Variants in SYT14 observed in about 807,000 individuals in gnomAD.
SYT14 encodes the protein synaptotagmin-14.
In SYT14, 32 loss-of-function variants were observed where a neutral mutation model predicts 74.2. That is an observed-to-expected ratio of 0.43 (90% CI 0.33 to 0.58). The LOEUF is 0.58. SYT14 is among the 20% of genes least tolerant of loss of function. The pLI, the probability that SYT14 is intolerant of heterozygous loss-of-function variation, is 0.05. For synonymous variants in SYT14, 298 were observed against 337.7 expected, an observed-to-expected ratio of 0.88 and a Z score of 1.29; for missense variants, 791 against 981.8, an observed-to-expected ratio of 0.81 and a Z score of 2.60.
At chr1:210,081,191 A>G (rs1156325885) in intron 5 of SYT14, among the ~76,000 whole-genome samples, 1 of 152,216 alleles carries the variant, frequency 6.6e-6, no homozygotes, top group East Asian at 1.9e-4. Context: ...ATGCTAAAAA[A>G]CATTTAGGAT....
intron 5 of SYT14, among the ~76,000 whole-genome samples, chr1:210,026,422 C>T (rs972520587): frequency 6.6e-6 from 1 of 152,008 alleles, no homozygotes; most frequent in African/African-American, 2.4e-5. Flanking sequence ...TGTAAAATTA[C>T]TAGAATGTCT....
At chr1:210,140,223 T>A (rs1276123258) in intron 7 of SYT14, among the ~76,000 whole-genome samples, 3 of 152,216 alleles carry the variant, frequency 2.0e-5, no homozygotes, top group Non-Finnish European at 4.4e-5. Context: ...ATGTTGAGCA[T>A]CTTTTCATGT....
chr1:210,108,975 G>T (rs1216374292), intron 7 of SYT14, among the ~76,000 whole-genome samples: 1 of 152,030 alleles, frequency 6.6e-6, no homozygotes, highest in Non-Finnish European at 1.5e-5. Flanking sequence ...TAGAGTAAAA[G>T]GTACAATTAC....
chr1:210,130,829 T>C (rs2082658464), intron 7 of SYT14, among the ~76,000 whole-genome samples: 1 of 152,234 alleles, frequency 6.6e-6, no homozygotes. Flanking sequence ...CTCAGGTAGC[T>C]AGAGAATTCA....
At chr1:209,955,495 T>C (rs1016014962) in intron 2 of SYT14, among the ~76,000 whole-genome samples, 3 of 152,210 alleles carry the variant, frequency 2.0e-5, no homozygotes, top group African/African-American at 4.8e-5. Context: ...TATCCTCTTT[T>C]TTTTCATCCT....
intron 5 of SYT14, among the ~76,000 whole-genome samples, chr1:210,077,928 T>C (rs1254898682): frequency 6.6e-6 from 1 of 152,186 alleles, no homozygotes; most frequent in Admixed American, 6.6e-5. Flanking sequence ...GGTTTTATAC[T>C]AGAACTGAAG....
At chr1:210,038,713 G>C (rs2080722353) in intron 5 of SYT14, among the ~76,000 whole-genome samples, 1 of 152,068 alleles carries the variant, frequency 6.6e-6, no homozygotes, top group African/African-American at 2.4e-5. Flanking sequence ...ATGGTTGACA[G>C]TTTTGTTTTT....
chr1:210,152,383 T>G (rs1410336689), intron 7 of SYT14, among the ~76,000 whole-genome samples: 3 of 152,248 alleles, frequency 2.0e-5, no homozygotes, highest in Non-Finnish European at 2.9e-5. Context: ...TAAAAAATTT[T>G]AACTACATTG....
At chr1:209,944,685 A>G (rs1387656698) in intron 1 of SYT14, among the ~76,000 whole-genome samples, 2 of 152,120 alleles carry the variant, frequency 1.3e-5, no homozygotes, top group Non-Finnish European at 2.9e-5. Flanking sequence ...GCAACAGCAA[A>G]AAGTAAAGGA....
rs1458518631 is a variant in SYT14, at chr1:210,100,721, T to TTTG, written c.2034+273_2034+275dup. Among the ~76,000 whole-genome samples, 10 of 152,294 alleles carry TTTG rather than the reference T, an allele frequency of 6.6e-5. No homozygotes were observed. In the East Asian group the frequency reaches 7.7e-4, roughly 12 times the overall value. On this transcript the variant is annotated intron_variant, in intron 7 of 9. Coordinates refer to ENST00000637265, the Ensembl canonical transcript of SYT14. The stretch of plus-strand genomic sequence containing the variant: ...TTTTGGCCCAGGGTTTTACATGTTT[T>TTTG]TTGTTGTTGTTGTTGAACATTTATT...
At chr1:210,159,516 A>G in intron 9 of SYT14, 39 bp downstream of exon 8, 1 of 1,538,832 alleles carries the variant, frequency 6.5e-7, no homozygotes. Context: ...TTGTCTTTTC[A>G]TGCAAAACCA....
At chr1:210,074,461 A>C (rs1274876639) in intron 5 of SYT14, among the ~76,000 whole-genome samples, 1 of 152,200 alleles carries the variant, frequency 6.6e-6, no homozygotes, top group African/African-American at 2.4e-5. Context: ...TATGAGCATA[A>C]GGTATTGATA....
intron 5 of SYT14, among the ~76,000 whole-genome samples, chr1:210,028,348 G>T (rs2080458240): frequency 7.2e-6 from 1 of 139,578 alleles, no homozygotes; most frequent in Non-Finnish European, 1.6e-5. Context: ...CAATTCTATT[G>T]TTGTGCACCA....
exon 10 of SYT14, chr1:210,165,424 G>T (rs1210858814): frequency 6.6e-6 from 1 of 152,062 alleles, no homozygotes; most frequent in Admixed American, 6.6e-5. Flanking sequence ...GCAAAGATTT[G>T]GAATTGATTT....
chr1:210,026,589 CTT>C (rs1224119799), intron 5 of SYT14, among the ~76,000 whole-genome samples: 1 of 144,846 alleles, frequency 6.9e-6, no homozygotes, highest in Non-Finnish European at 1.5e-5. Flanking sequence ...TCACTTATGT[CTT>C]AGGGTATATA....
chr1:209,992,039 G>T (rs1332874184), intron 2 of SYT14, among the ~76,000 whole-genome samples: 1 of 152,140 alleles, frequency 6.6e-6, no homozygotes, highest in South Asian at 2.1e-4. Context: ...ATATCAAAAA[G>T]ATACCTGCAC....
intron 7 of SYT14, among the ~76,000 whole-genome samples, chr1:210,101,369 T>C (rs928304024): frequency 1.3e-5 from 2 of 152,130 alleles, no homozygotes; most frequent in African/African-American, 4.8e-5. Context: ...TAGTGTTGTT[T>C]TGAGCTTTTA....
chr1:210,034,605 T>G (rs1006781351), intron 5 of SYT14, among the ~76,000 whole-genome samples: 1 of 151,754 alleles, frequency 6.6e-6, no homozygotes, highest in Non-Finnish European at 1.5e-5. Context: ...CCCTCCACTT[T>G]TCTGAATCTT....
At chr1:210,152,872 AT>A (rs11339570) in intron 7 of SYT14, among the ~76,000 whole-genome samples, 111,855 of 151,890 alleles carry the variant, frequency 0.74, 41,689 homozygotes, top group East Asian at 0.87. Context: ...GGGTTGTTTG[AT>A]TTTTTTGTTT....
Sources: allele counts gnomAD v4.1 joint callset (sites outside exome capture counted in the v4.1 genomes callset), GRCh38; gene constraint gnomAD v4.1.1; transcripts MANE v1.5; gene names NCBI Gene and HGNC (gene_info 2026-07-23, HGNC 2026-07-21).